ABCB5: variants seen among roughly 807,000 people sequenced by gnomAD.
ABCB5 encodes the protein ATP-binding cassette sub-family B member 5.
ABCB5 carries 155 observed loss-of-function variants against 144.2 expected under a neutral mutation model. That is an observed-to-expected ratio of 1.08 (90% CI 0.94 to 1.23). The LOEUF is 1.23. Among genes scored for constraint, ABCB5 ranks in the 50% most tolerant of loss-of-function variants. The probability of loss-of-function intolerance (pLI) is 0.00; values close to 1 mark genes in which losing one functional copy is unlikely to be tolerated. For missense variants in ABCB5, 1,830 were observed against 1,520.8 expected, an observed-to-expected ratio of 1.20 and a Z score of -3.38; for synonymous variants, 610 against 528.6, an observed-to-expected ratio of 1.15 and a Z score of -2.11.
At chr7:20,637,004 G>A (rs934709752) in intron 5 of ABCB5, among the ~76,000 whole-genome samples, 1 of 152,034 alleles carries the variant, frequency 6.6e-6, no homozygotes, top group Non-Finnish European at 1.5e-5. Flanking sequence ...GATAGTAAAG[G>A]CTTCATTTAG....
chr7:20,617,119 A>C (rs1174262828), intron 1 of ABCB5, among the ~76,000 whole-genome samples: 1 of 152,130 alleles, frequency 6.6e-6, no homozygotes, highest in Non-Finnish European at 1.5e-5. Flanking sequence ...TTATTTATGT[A>C]TGCCTTTTTT....
chr7:20,694,463 C>A (rs558105663), intron 16 of ABCB5, among the ~76,000 whole-genome samples: 267 of 152,118 alleles, frequency 1.8e-3, no homozygotes, highest in African/African-American at 6.0e-3. Flanking sequence ...AAAGAAATTC[C>A]TTCAACCTGA....
intron 23 of ABCB5, 131 bp from the exon 24 acceptor site, chr7:20,738,852 C>T: frequency 1.0e-6 from 1 of 973,966 alleles, no homozygotes; most frequent in Non-Finnish European, 1.4e-6. Flanking sequence ...CTTGGTGGGT[C>T]TTCAGCGTTA....
intron 2 of ABCB5, 141 bp from the exon 3 acceptor site, chr7:20,626,415 AT>A: frequency 1.6e-6 from 1 of 635,004 alleles, no homozygotes; most frequent in South Asian, 2.4e-5. Flanking sequence ...ACTGTCTATC[AT>A]TAAGTTTATT....
intron 5 of ABCB5, among the ~76,000 whole-genome samples, chr7:20,633,154 G>A (rs906537581): frequency 9.2e-5 from 14 of 151,954 alleles, no homozygotes; most frequent in African/African-American, 3.4e-4. Flanking sequence ...TAATTATTCA[G>A]ACTATTATGG....
chr7:20,659,665 G>A (rs1475989519), intron 14 of ABCB5: 9 of 987,244 alleles, frequency 9.1e-6, no homozygotes, highest in Middle Eastern at 5.2e-4. Context: ...TACAAAGACA[G>A]GACTAATATT....
chr7:20,650,726 G>C (rs536602727), intron 12 of ABCB5, among the ~76,000 whole-genome samples: 3 of 152,108 alleles, frequency 2.0e-5, no homozygotes, highest in Admixed American at 6.5e-5. Context: ...TACTCCCCTA[G>C]AGCCTGGCTT....
At chr7:20,683,225 C>G (rs571249909) in intron 15 of ABCB5, among the ~76,000 whole-genome samples, 6 of 152,212 alleles carry the variant, frequency 3.9e-5, no homozygotes, top group African/African-American at 1.4e-4. Flanking sequence ...CCCTAAGAAG[C>G]AATAACAGTA....
At chr7:20,643,737 A>G (rs1784345450) in intron 7 of ABCB5, 105 bp downstream of exon 7, 2 of 1,252,784 alleles carry the variant, frequency 1.6e-6, no homozygotes, top group African/African-American at 3.0e-5. Context: ...GCCATGTCCC[A>G]AACTACAAAG....
chr7:20,620,779 G>A (rs1329292743), intron 1 of ABCB5, among the ~76,000 whole-genome samples: 1 of 152,100 alleles, frequency 6.6e-6, no homozygotes, highest in African/African-American at 2.4e-5. Flanking sequence ...TGAAAGCCTT[G>A]TACATTGCTC....
At chr7:20,661,760 C>G (rs1019332320) in intron 14 of ABCB5, among the ~76,000 whole-genome samples, 3 of 151,944 alleles carry the variant, frequency 2.0e-5, no homozygotes, top group Admixed American at 1.3e-4. Flanking sequence ...GTCTTGACCT[C>G]CTGACCTTGT....
At chr7:20,698,677 A>C (rs1745300258) in intron 17 of ABCB5, 127 bp downstream of exon 17, 1 of 774,176 alleles carries the variant, frequency 1.3e-6, no homozygotes, top group African/African-American at 1.8e-5. Flanking sequence ...CCTAGTGTGG[A>C]GTCCGTGATA....
At position 20,713,293 on chromosome 7, in the gene ABCB5, G is replaced by T. The variant is rs974016418; in HGVS notation, c.2421+8486G>T. 2.1e-4 allele frequency among the ~76,000 whole-genome samples: 32 copies of T among 148,914 alleles called. 1 individual carries two copies. Among genetic ancestry groups the T allele is most frequent in the African/African-American group, 8.0e-4 (32 of 40,164 alleles). ...TTGTTACCCAGGCTCAAGTGCAGTG[G>T]CATGAACACAGTTCACTGTATCCTT... On this transcript the variant is annotated intron_variant, in intron 20 of 27. Coordinates refer to ENST00000404938, the MANE Select transcript of ABCB5 (RefSeq NM_001163941.2).
intron 23 of ABCB5, among the ~76,000 whole-genome samples, chr7:20,731,736 A>G (rs1782229167): frequency 6.6e-6 from 1 of 152,150 alleles, no homozygotes; most frequent in Admixed American, 6.5e-5. Context: ...TGTCAGCCCA[A>G]AAATGTTGGA....
At chr7:20,629,628 A>G (rs544553072) in intron 4 of ABCB5, among the ~76,000 whole-genome samples, 4 of 152,070 alleles carry the variant, frequency 2.6e-5, no homozygotes, top group African/African-American at 9.6e-5. Flanking sequence ...CAGCCATGGT[A>G]GCAGGTGCCT....
At chr7:20,737,474 C>T (rs1486699489) in intron 23 of ABCB5, among the ~76,000 whole-genome samples, 1 of 152,170 alleles carries the variant, frequency 6.6e-6, no homozygotes, top group African/African-American at 2.4e-5. Flanking sequence ...TCAGAGGGAC[C>T]TAACAAGGAT....
At chr7:20,697,978 T>C (rs1339358907) in intron 16 of ABCB5, among the ~76,000 whole-genome samples, 2 of 152,230 alleles carry the variant, frequency 1.3e-5, no homozygotes, top group East Asian at 1.9e-4. Flanking sequence ...ACTTTCAAGT[T>C]TGAGATCGTA....
intron 14 of ABCB5, among the ~76,000 whole-genome samples, chr7:20,674,670 A>G (rs988432364): frequency 6.6e-5 from 10 of 151,710 alleles, no homozygotes; most frequent in Non-Finnish European, 1.5e-4. Flanking sequence ...TAGGCAAGAA[A>G]AAGAAAAAAG....
chr7:20,647,495 A>G, intron 9 of ABCB5, 40 bp from the exon 10 acceptor site: 1 of 1,515,644 alleles, frequency 6.6e-7, no homozygotes, highest in East Asian at 2.5e-5. Context: ...TTTCTTATAT[A>G]ACTGCAGAAA....
Sources: allele counts gnomAD v4.1 joint callset (sites outside exome capture counted in the v4.1 genomes callset), GRCh38; gene constraint gnomAD v4.1.1; transcripts MANE v1.5; gene names NCBI Gene and HGNC (gene_info 2026-07-23, HGNC 2026-07-21).